The following CAMK2D variants were observed in gnomAD, a reference collection of about 807,000 sequenced individuals.
CAMK2D encodes calcium/calmodulin-dependent protein kinase type II subunit delta.
Under a neutral mutation model 84.0 loss-of-function variants are expected in CAMK2D, and 37 were observed. That is an observed-to-expected ratio of 0.44 (90% CI 0.34 to 0.58). The LOEUF (loss-of-function observed/expected upper bound fraction) is 0.58, where lower values mean the gene tolerates loss of function less well. Among genes scored for constraint, CAMK2D ranks in the 20% least tolerant of loss-of-function variants. CAMK2D has a pLI of 0.02. For missense variants in CAMK2D, 448 were observed against 652.5 expected, an observed-to-expected ratio of 0.69 and a Z score of 3.41; for synonymous variants, 202 against 212.5, an observed-to-expected ratio of 0.95 and a Z score of 0.43.
intron 4 of CAMK2D, among the ~76,000 whole-genome samples, chr4:113,562,034 G>T (rs1375752843): frequency 1.3e-5 from 2 of 152,142 alleles, no homozygotes; most frequent in African/African-American, 2.4e-5. Flanking sequence ...AGAAAAGCCT[G>T]ATTTGCTCTA....
intron 4 of CAMK2D, among the ~76,000 whole-genome samples, chr4:113,556,870 A>C (rs981952671): frequency 6.6e-6 from 1 of 152,196 alleles, no homozygotes; most frequent in Non-Finnish European, 1.5e-5. Context: ...TTGTCTCTTC[A>C]GCACCTTACA....
intron 2 of CAMK2D, among the ~76,000 whole-genome samples, chr4:113,709,012 G>A (rs568557364): frequency 6.6e-6 from 1 of 152,092 alleles, no homozygotes; most frequent in African/African-American, 2.4e-5. Context: ...GTGAACCACC[G>A]CGCCTGGCCC....
At chr4:113,751,183 G>A (rs976371910) in intron 2 of CAMK2D, among the ~76,000 whole-genome samples, 8 of 152,208 alleles carry the variant, frequency 5.3e-5, no homozygotes. Flanking sequence ...GGGGAAAGTT[G>A]ATGAGTCTAC....
rs540589189 is a variant in CAMK2D at position 113,508,274 on chromosome 4, T to C, written c.984+1364A>G. 9.1e-6 allele frequency: 14 copies of C among 1,542,906 alleles called. No homozygotes were observed. In the African/African-American group the frequency reaches 1.2e-4, roughly 14 times the overall value. On this transcript the variant is annotated intron_variant, in intron 13 of 20. Transcript: ENST00000511664. ...CTCGAACTGGACTTCCTTTTCTGAA[T>C]TGACCAGTCAAAGAGAAAGGAAAAG...
intron 12 of CAMK2D, among the ~76,000 whole-genome samples, chr4:113,512,231 T>A (rs2098224339): frequency 6.6e-6 from 1 of 152,228 alleles, no homozygotes; most frequent in Non-Finnish European, 1.5e-5. Flanking sequence ...ATTTGACTTT[T>A]GGGAACCTGG....
intron 2 of CAMK2D, among the ~76,000 whole-genome samples, chr4:113,708,664 T>C (rs2099472641): frequency 6.6e-6 from 1 of 152,182 alleles, no homozygotes; most frequent in South Asian, 2.1e-4. Flanking sequence ...ACTCTACTCA[T>C]AAATGTGCTA....
chr4:113,655,723 A>G (rs1461118398), intron 3 of CAMK2D, among the ~76,000 whole-genome samples: 2 of 152,132 alleles, frequency 1.3e-5, no homozygotes, highest in Middle Eastern at 3.2e-3. Context: ...ATAAAGGCCC[A>G]TACATGAATA....
At chr4:113,671,744 T>C (rs1412453154) in intron 2 of CAMK2D, among the ~76,000 whole-genome samples, 2 of 152,126 alleles carry the variant, frequency 1.3e-5, no homozygotes, top group Non-Finnish European at 2.9e-5. Context: ...CAGTCTGCCA[T>C]GAGATAACGA....
At chr4:113,674,619 A>C (rs1312385141) in intron 2 of CAMK2D, among the ~76,000 whole-genome samples, 1 of 152,156 alleles carries the variant, frequency 6.6e-6, no homozygotes, top group African/African-American at 2.4e-5. Context: ...AAACCTGTCC[A>C]GGCTGGACAG....
chr4:113,696,944 T>G (rs1387759784), intron 2 of CAMK2D, among the ~76,000 whole-genome samples: 1 of 152,048 alleles, frequency 6.6e-6, no homozygotes, highest in Non-Finnish European at 1.5e-5. Context: ...GTAATGCATA[T>G]GAACGTTTTG....
chr4:113,653,801 G>C (rs759611888), intron 3 of CAMK2D, among the ~76,000 whole-genome samples: 3 of 151,944 alleles, frequency 2.0e-5, no homozygotes, highest in Non-Finnish European at 4.4e-5. Context: ...TATTTAGTAA[G>C]CTTAACCTGT....
intron 2 of CAMK2D, among the ~76,000 whole-genome samples, chr4:113,728,782 C>T (rs745846269): frequency 6.6e-6 from 1 of 152,080 alleles, no homozygotes; most frequent in African/African-American, 2.4e-5. Flanking sequence ...AATAACAGCA[C>T]ATATGTCACA....
At chr4:113,596,215 G>C (rs2098925608) in intron 4 of CAMK2D, among the ~76,000 whole-genome samples, 2 of 152,140 alleles carry the variant, frequency 1.3e-5, no homozygotes, top group African/African-American at 4.8e-5. Context: ...CATCAATGCA[G>C]TCACATCTGC....
At chr4:113,548,125 ACAGT>A (rs1160362477) in intron 5 of CAMK2D, among the ~76,000 whole-genome samples, 2 of 152,196 alleles carry the variant, frequency 1.3e-5, no homozygotes, top group Non-Finnish European at 2.9e-5. Flanking sequence ...TGTCACATTA[ACAGT>A]CAGGGCACCA....
rs113832994 is a variant in CAMK2D at position 113,454,991 on chromosome 4, C to T, written c.*30-476G>A. Among the ~76,000 whole-genome samples the T allele has an allele frequency of 2.8e-3, 426 of 152,300 alleles. 1 individual carries two copies. Among genetic ancestry groups the T allele is most frequent in the Non-Finnish European group, 4.4e-3 (299 of 68,018 alleles). On this transcript the variant is annotated intron_variant, in intron 20 of 20. Transcript: ENST00000511664. The stretch of plus-strand genomic sequence containing the variant: ...CTCGAAAGTAGAGAGAACATGATTA[C>T]TCTCTTTAATTGGAGATCTCCTTTG...
At chr4:113,546,745 T>G (rs2098577800) in intron 6 of CAMK2D, among the ~76,000 whole-genome samples, 1 of 152,200 alleles carries the variant, frequency 6.6e-6, no homozygotes, top group African/African-American at 2.4e-5. Flanking sequence ...GTGCTCACAT[T>G]TACTATTTTA....
chr4:113,623,502 T>C (rs2099055244), intron 3 of CAMK2D, among the ~76,000 whole-genome samples: 1 of 152,074 alleles, frequency 6.6e-6, no homozygotes, highest in Non-Finnish European at 1.5e-5. Flanking sequence ...CATCAAAGTG[T>C]ACTTATACAG....
intron 2 of CAMK2D, among the ~76,000 whole-genome samples, chr4:113,714,091 G>A (rs1201725353): frequency 1.3e-5 from 2 of 151,764 alleles, no homozygotes; most frequent in Non-Finnish European, 2.9e-5. Context: ...AGTCTTTTGG[G>A]GTAAAGTTTC....
intron 3 of CAMK2D, among the ~76,000 whole-genome samples, chr4:113,649,832 A>T (rs2099165863): frequency 1.3e-5 from 2 of 152,228 alleles, no homozygotes; most frequent in African/African-American, 4.8e-5. Context: ...CTGTAATCCC[A>T]GTACTTTGGG....
Sources: gnomAD v4.1 joint callset for allele counts (sites outside exome capture counted in the v4.1 genomes callset) on GRCh38, gnomAD v4.1.1 for gene constraint, MANE v1.5 for transcripts, NCBI Gene and HGNC (gene_info 2026-07-23, HGNC 2026-07-21) for gene names.